CDCA7L: variants seen among roughly 807,000 people sequenced by gnomAD.
CDCA7L encodes cell division cycle associated 7 like.
In CDCA7L, 44 loss-of-function variants were observed where a neutral mutation model predicts 57.4. The ratio of observed to expected loss-of-function variants is 0.77; its 90% confidence interval spans 0.60 to 0.98. The LOEUF is 0.98. CDCA7L is among the 50% of genes least tolerant of loss of function. The pLI, the probability that CDCA7L is intolerant of heterozygous loss-of-function variation, is 0.00. For synonymous variants in CDCA7L, 236 were observed against 202.8 expected (o/e 1.16, Z -1.39); for missense variants, 644 against 580.6 (o/e 1.11, Z -1.12).
rs1785572906 is a variant in CDCA7L at position 21,918,918 on chromosome 7, T to G, written c.25-2024A>C. On this transcript the variant is annotated intron_variant, in intron 1 of 9. Transcript: ENST00000406877. ...GGAATATGCAGAGTGAGACTTGAGA[T>G]TCTGTGAATAGCCTCCCTGATAACA... 1.3e-5 allele frequency among the ~76,000 whole-genome samples: 2 copies of G among 152,212 alleles called. 1 individual carries two copies. Among genetic ancestry groups the G allele is most frequent in the South Asian group, 4.1e-4 (2 of 4,834 alleles).
chr7:21,906,753 G>A, intron 4 of CDCA7L, 114 bp from the exon 5 acceptor site: 1 of 916,572 alleles, frequency 1.1e-6, no homozygotes. Flanking sequence ...AACTTGAATA[G>A]TTTATATAAC....
At position 21,901,809 on chromosome 7, in the gene CDCA7L, T is replaced by TTTAATAAAAATAAAACTG. The variant is rs1562616289; in HGVS notation, c.*495_*512dup. 2 of 164,592 alleles carry TTTAATAAAAATAAAACTG rather than the reference T, an allele frequency of 1.2e-5. No homozygotes were observed. Among genetic ancestry groups the TTTAATAAAAATAAAACTG allele is most frequent in the Non-Finnish European group, 2.7e-5 (2 of 74,706 alleles). 10.2% of individuals were successfully genotyped at this position (164,592 alleles called of 1,614,324 possible). A position where few individuals can be genotyped will look rare whatever the true frequency, so the allele number is the denominator to read the frequency against. ...ATGGTCCCCTTTTGTTCAGTCAAGT[T>TTTAATAAAAATAAAACTG]TTAATAAAAATAAAACTGTTCTACA... On this transcript the variant is annotated 3_prime_UTR_variant, in exon 10 of 10. Coordinates refer to ENST00000406877, the MANE Select transcript of CDCA7L (RefSeq NM_018719.5).
chr7:21,940,301 T>C (rs1425735640), intron 1 of CDCA7L: 1 of 985,126 alleles, frequency 1.0e-6, no homozygotes, highest in Non-Finnish European at 1.2e-6. Flanking sequence ...TTCCAAACTA[T>C]GCCTGCGAAG....
chr7:21,934,016 A>G (rs1024891087), intron 1 of CDCA7L, among the ~76,000 whole-genome samples: 6 of 152,158 alleles, frequency 3.9e-5, no homozygotes, highest in African/African-American at 1.4e-4. Context: ...GGAATTCATT[A>G]CTACTGGCAT....
At chr7:21,932,337 T>C (rs1158792867) in intron 1 of CDCA7L, among the ~76,000 whole-genome samples, 2 of 152,208 alleles carry the variant, frequency 1.3e-5, no homozygotes, top group African/African-American at 2.4e-5. Context: ...TGAGCCTGTA[T>C]AGCCAAGACA....
intron 2 of CDCA7L, among the ~76,000 whole-genome samples, chr7:21,913,381 T>A (rs1331369569): frequency 6.6e-6 from 1 of 151,588 alleles, no homozygotes; most frequent in East Asian, 2.0e-4. Flanking sequence ...TAAAGTGAAA[T>A]TCAAATCGTG....
intron 1 of CDCA7L, among the ~76,000 whole-genome samples, chr7:21,918,494 T>G (rs374074761): frequency 5.9e-5 from 9 of 152,348 alleles, no homozygotes; most frequent in African/African-American, 2.2e-4. Context: ...ACATGGCTCT[T>G]AAATCCCTTC....
At position 21,901,823 on chromosome 7, in the gene CDCA7L, A is replaced by C. The variant is rs1784884353; in HGVS notation, c.*499T>G. ...TTCAGTCAAGTTTTAATAAAAATAA[A>C]ACTGTTCTACAGTTAATTGCACTTT... On this transcript the variant is annotated 3_prime_UTR_variant, in exon 10 of 10. Coordinates refer to ENST00000406877, the MANE Select transcript of CDCA7L (RefSeq NM_018719.5). The C allele has an allele frequency of 6.0e-6, 1 of 167,200 alleles. No individual in the cohort carries two copies. The highest frequency in any genetic ancestry group is 1.3e-5 in the Non-Finnish European group (1 of 76,290). The allele number at this position is 167,200 out of a possible 1,614,324, so 10.4% of individuals were successfully genotyped here.
At chr7:21,915,439 G>C (rs1447136952) in intron 2 of CDCA7L, among the ~76,000 whole-genome samples, 1 of 122,252 alleles carries the variant, frequency 8.2e-6, no homozygotes, top group Admixed American at 8.0e-5. Flanking sequence ...TAAGTGAGAA[G>C]ACTGAAGACA....
chr7:21,933,093 A>G (rs1009036770), intron 1 of CDCA7L, among the ~76,000 whole-genome samples: 3 of 152,346 alleles, frequency 2.0e-5, no homozygotes, highest in Middle Eastern at 3.4e-3. Context: ...AATCAAAACC[A>G]CAATGAAATA....
chr7:21,910,528 G>C (rs1018145857), intron 3 of CDCA7L, among the ~76,000 whole-genome samples: 2 of 152,228 alleles, frequency 1.3e-5, no homozygotes, highest in East Asian at 1.9e-4. Flanking sequence ...TTAGTCTTTA[G>C]CAGCTTCTGG....
At chr7:21,918,631 C>T (rs1397692134) in intron 1 of CDCA7L, among the ~76,000 whole-genome samples, 1 of 152,134 alleles carries the variant, frequency 6.6e-6, no homozygotes, top group African/African-American at 2.4e-5. Context: ...TTAACAGACT[C>T]ATTTGGGTTT....
intron 1 of CDCA7L, among the ~76,000 whole-genome samples, chr7:21,931,259 C>G (rs1360566409): frequency 6.6e-6 from 1 of 152,152 alleles, no homozygotes; most frequent in African/African-American, 2.4e-5. Flanking sequence ...AAGAGGGAAT[C>G]CTCCCTAACT....
intron 9 of CDCA7L, 119 bp downstream of exon 9, chr7:21,902,859 T>C: frequency 2.3e-6 from 2 of 858,538 alleles, no homozygotes; most frequent in Non-Finnish European, 1.9e-6. Context: ...TGGATGGTAC[T>C]CGTGGTTTAT....
chr7:21,906,758 T>C (rs1216108881), intron 4 of CDCA7L, 119 bp from the exon 5 acceptor site: 6 of 859,478 alleles, frequency 7.0e-6, no homozygotes, highest in Non-Finnish European at 1.1e-5. Context: ...GAATAGTTTA[T>C]ATAACCCACA....
At position 21,901,806 on chromosome 7, in the gene CDCA7L, A is replaced by C. The variant is rs1784881362; in HGVS notation, c.*516T>G. 1 of 164,550 alleles carries C rather than the reference A, an allele frequency of 6.1e-6. No homozygotes were observed. Among genetic ancestry groups the C allele is most frequent in the Non-Finnish European group, 1.3e-5 (1 of 74,670 alleles). The allele number at this position is 164,550 out of a possible 1,614,324, so 10.2% of individuals were successfully genotyped here. A position where few individuals can be genotyped will look rare whatever the true frequency, so the allele number is the denominator to read the frequency against. ...TTGATGGTCCCCTTTTGTTCAGTCA[A>C]GTTTTAATAAAAATAAAACTGTTCT... On this transcript the variant is annotated 3_prime_UTR_variant, in exon 10 of 10. Coordinates refer to ENST00000406877, the MANE Select transcript of CDCA7L (RefSeq NM_018719.5).
At chr7:21,936,993 C>T (rs528212087) in intron 1 of CDCA7L, among the ~76,000 whole-genome samples, 86 of 152,310 alleles carry the variant, frequency 5.6e-4, no homozygotes, top group African/African-American at 1.8e-3. Context: ...ATCAACTATG[C>T]TTCTACACAC....
rs760840017 is a variant in CDCA7L at position 21,906,353 on chromosome 7, A to T, written c.857T>A (p.Phe286Tyr). The T allele has an allele frequency of 4.0e-5, 65 of 1,613,522 alleles. No homozygotes were observed. The South Asian group carries it at 7.0e-4, about 17-fold the overall frequency. Residue 286 changes from phenylalanine (F) to tyrosine (Y), a missense_variant, in exon 6 of 10, where the codon TTC becomes TAC. By Grantham distance (22) the Phe-to-Tyr change is conservative. Transcript: ENST00000406877. ...RPPEKFALEN[F>Y]TVSAAKFAEE... is the part of the protein sequence containing the mutation. ...CGCAAATTTAGCGGCTGAGACAGTG[A>T]AGTTCTCTAGAGCAAACTTCTCAGG...
chr7:21,904,340 C>T (rs534366801), intron 7 of CDCA7L, 81 bp from the exon 8 acceptor site: 2 of 1,348,128 alleles, frequency 1.5e-6, no homozygotes, highest in South Asian at 1.5e-5. Context: ...TGTGCATTTC[C>T]AAGTATATGA....
Sources: gnomAD v4.1 joint callset for allele counts (sites outside exome capture counted in the v4.1 genomes callset) on GRCh38, gnomAD v4.1.1 for gene constraint, MANE v1.5 for transcripts, NCBI Gene and HGNC (gene_info 2026-07-23, HGNC 2026-07-21) for gene names.